TAFA5: variants seen among roughly 807,000 people sequenced by gnomAD.
The protein encoded by TAFA5 is chemokine-like protein TAFA-5.
TAFA5 carries 6 observed loss-of-function variants against 15.3 expected under a neutral mutation model. That is an observed-to-expected ratio of 0.39 (90% confidence interval 0.21 to 0.77). The LOEUF is 0.77. Among genes scored for constraint, TAFA5 ranks in the 30% least tolerant of loss-of-function variants. TAFA5 has a pLI of 0.41. For synonymous variants in TAFA5, 103 were observed against 80.7 expected (o/e 1.28, Z -1.48); for missense variants, 161 against 193.1 (o/e 0.83, Z 0.98).
At chr22:48,551,638 G>A (rs1457712798) in intron 1 of TAFA5, among the ~76,000 whole-genome samples, 2 of 152,142 alleles carry the variant, frequency 1.3e-5, no homozygotes, top group Non-Finnish European at 2.9e-5. Flanking sequence ...GGCCTGTGAC[G>A]ATGTGCATGG....
chr22:48,616,384 G>A (rs1170993013), intron 1 of TAFA5, among the ~76,000 whole-genome samples: 2 of 152,226 alleles, frequency 1.3e-5, no homozygotes, highest in Non-Finnish European at 2.9e-5. Flanking sequence ...TGGCCCCGAG[G>A]GTGCTGCTGG....
At chr22:48,532,718 G>A (rs1009294464) in intron 1 of TAFA5, among the ~76,000 whole-genome samples, 70 of 152,336 alleles carry the variant, frequency 4.6e-4, no homozygotes, top group Non-Finnish European at 8.8e-4. Context: ...GGGAAGAAGA[G>A]GAGGATGGCA....
intron 1 of TAFA5, chr22:48,543,327 A>G (rs569889685): frequency 1.3e-5 from 2 of 152,330 alleles, no homozygotes; most frequent in East Asian, 3.9e-4. Flanking sequence ...ATCCTTCATA[A>G]AAGGATCGTA....
At chr22:48,604,246 G>A (rs143502800) in intron 1 of TAFA5, among the ~76,000 whole-genome samples, 14 of 152,338 alleles carry the variant, frequency 9.2e-5, no homozygotes, top group South Asian at 4.1e-4. Flanking sequence ...CTCAGGCACT[G>A]CGTTCCTTCG....
intron 1 of TAFA5, among the ~76,000 whole-genome samples, chr22:48,540,056 G>A (rs988904796): frequency 2.6e-5 from 4 of 152,204 alleles, no homozygotes; most frequent in South Asian, 4.1e-4. Context: ...AGGAGCAGCC[G>A]GGTAAAAGCC....
At chr22:48,745,270 G>A (rs1450785832) in intron 3 of TAFA5, among the ~76,000 whole-genome samples, 1 of 151,678 alleles carries the variant, frequency 6.6e-6, no homozygotes, top group Admixed American at 6.6e-5. Flanking sequence ...CCTGTCCGGG[G>A]TTCACCCTGA....
intron 2 of TAFA5, among the ~76,000 whole-genome samples, chr22:48,665,532 A>G (rs1927580848): frequency 8.1e-6 from 1 of 122,752 alleles, no homozygotes; most frequent in African/African-American, 3.3e-5. Flanking sequence ...AGTTGGGTCT[A>G]CCAGCCGTTT....
At chr22:48,604,108 C>A (rs1925072678) in intron 1 of TAFA5, among the ~76,000 whole-genome samples, 1 of 152,248 alleles carries the variant, frequency 6.6e-6, no homozygotes, top group Non-Finnish European at 1.5e-5. Flanking sequence ...TGGATGAATT[C>A]TCCCTTTGTT....
intron 1 of TAFA5, among the ~76,000 whole-genome samples, chr22:48,607,847 G>A (rs1181192563): frequency 6.6e-6 from 1 of 151,796 alleles, no homozygotes; most frequent in African/African-American, 2.4e-5. Context: ...TCCATTTTTT[G>A]CTTGGTCTAA....
At chr22:48,665,636 A>C (rs891320311) in intron 2 of TAFA5, among the ~76,000 whole-genome samples, 1 of 152,134 alleles carries the variant, frequency 6.6e-6, no homozygotes, top group African/African-American at 2.4e-5. Context: ...ATTTATTGAA[A>C]AGTTCTAGCC....
chr22:48,514,023 T>A (rs1370637415), intron 1 of TAFA5, among the ~76,000 whole-genome samples: 2 of 152,016 alleles, frequency 1.3e-5, no homozygotes, highest in East Asian at 1.9e-4. Context: ...CCTCTGCAGG[T>A]CTCTCGGGGG....
At chr22:48,648,607 G>A (rs1926947558) in intron 2 of TAFA5, among the ~76,000 whole-genome samples, 1 of 152,172 alleles carries the variant, frequency 6.6e-6, no homozygotes, top group African/African-American at 2.4e-5. Context: ...ATGGGAGGCT[G>A]AGGCAGGTGG....
At chr22:48,722,673 C>G (rs1321519039) in intron 3 of TAFA5, among the ~76,000 whole-genome samples, 1 of 123,752 alleles carries the variant, frequency 8.1e-6, no homozygotes, top group East Asian at 1.9e-4. Context: ...ACTGCACGTT[C>G]TGCCATGTAC....
In TAFA5 at chr22:48,689,844, G is replaced by A. The variant is rs190799725; in HGVS notation, c.263-17873G>A. Among the ~76,000 whole-genome samples the A allele has an allele frequency of 9.4e-4, 143 of 152,290 alleles. 1 individual carries two copies. Among genetic ancestry groups the A allele is most frequent in the African/African-American group, 3.1e-3 (130 of 41,566 alleles). On this transcript the variant is annotated intron_variant, in intron 2 of 3. Coordinates refer to ENST00000402357, the MANE Select transcript of TAFA5 (RefSeq NM_001082967.3). ...TTGCACCACCCTCTTTCCTGTCCCC[G>A]GTTGGTGTAAGTGTCTCTGAGCCTG...
intron 1 of TAFA5, among the ~76,000 whole-genome samples, chr22:48,639,030 A>G (rs1404344612): frequency 6.6e-6 from 1 of 152,112 alleles, no homozygotes; most frequent in Non-Finnish European, 1.5e-5. Flanking sequence ...CCCCGACACT[A>G]AGCCCAGCTC....
At chr22:48,635,218 A>G (rs1246247838) in intron 1 of TAFA5, among the ~76,000 whole-genome samples, 1 of 152,196 alleles carries the variant, frequency 6.6e-6, no homozygotes, top group African/African-American at 2.4e-5. Context: ...CAAGCCAGCC[A>G]GGGCTGGGTC....
At chr22:48,737,351 C>A (rs1930058338) in intron 3 of TAFA5, among the ~76,000 whole-genome samples, 1 of 152,206 alleles carries the variant, frequency 6.6e-6, no homozygotes, top group Non-Finnish European at 1.5e-5. Flanking sequence ...CCTTAGGGAC[C>A]CCGAGCTGCC....
At chr22:48,688,618 A>T (rs575126503) in intron 2 of TAFA5, among the ~76,000 whole-genome samples, 2 of 152,140 alleles carry the variant, frequency 1.3e-5, no homozygotes, top group South Asian at 4.1e-4. Context: ...CCCTGGGTTC[A>T]TTTCTAAGTA....
intron 1 of TAFA5, among the ~76,000 whole-genome samples, chr22:48,602,069 G>A (rs1382102126): frequency 6.6e-6 from 1 of 152,172 alleles, no homozygotes. Context: ...TTCATCAAGG[G>A]CAACTACAGG....
Sources: gnomAD v4.1 joint callset for allele counts (sites outside exome capture counted in the v4.1 genomes callset) on GRCh38, gnomAD v4.1.1 for gene constraint, MANE v1.5 for transcripts, NCBI Gene and HGNC (gene_info 2026-07-23, HGNC 2026-07-21) for gene names.